MIER1: variants seen among roughly 807,000 people sequenced by gnomAD.
MIER1 encodes MIER1 transcriptional regulator, also known as mesoderm induction early response protein 1.
MIER1 carries 40 observed loss-of-function variants against 75.7 expected under a neutral mutation model. The observed-to-expected ratio is 0.53, with a 90% CI of 0.41 to 0.69. The LOEUF (loss-of-function observed/expected upper bound fraction) is 0.69, where lower values mean the gene tolerates loss of function less well. Ranked by LOEUF, MIER1 falls within the 30% of genes least tolerant of loss-of-function variation. The pLI is 0.00. For missense variants in MIER1, 574 were observed against 680.2 expected, an observed-to-expected ratio of 0.84 and a Z score of 1.74; for synonymous variants, 213 against 223.4, an observed-to-expected ratio of 0.95 and a Z score of 0.42.
At chr1:66,929,147 ATAAGT>A (rs556420961) in intron 2 of MIER1, 67 of 647,682 alleles carry the variant, frequency 1.0e-4, no homozygotes, top group Middle Eastern at 4.9e-4. Flanking sequence ...ATATTGCATT[ATAAGT>A]TAAGTATTAA....
intron 4 of MIER1, chr1:66,946,893 T>C: frequency 1.0e-6 from 1 of 985,274 alleles, no homozygotes; most frequent in East Asian, 1.1e-4. Context: ...TCTGGTTTTC[T>C]TTATCTTTTT....
In MIER1 at chr1:66,930,276, G is replaced by A. The variant is rs781439612; in HGVS notation, c.168+4034G>A. The A allele has an allele frequency of 2.6e-6, 4 of 1,528,694 alleles. No individual in the cohort carries two copies. In the African/African-American group the frequency reaches 5.7e-5, roughly 22 times the overall value. 94.7% of individuals were successfully genotyped at this position (1,528,694 alleles called of 1,614,324 possible). The stretch of plus-strand genomic sequence containing the variant: ...TGCGCGTTCCCGCCGAGGCAGTGGC[G>A]GCGGGAGCGGCAGAGACGGCAGCGG... On this transcript the variant is annotated intron_variant, in intron 2 of 13. Transcript: ENST00000401041.
chr1:66,981,736 T>G, intron 12 of MIER1, 43 bp from the exon 13 acceptor site: 1 of 1,497,598 alleles, frequency 6.7e-7, no homozygotes, highest in African/African-American at 1.4e-5. Context: ...AATTTTTAAT[T>G]TTCAGCTCTT....
chr1:66,956,744 A>T (rs1016921218), intron 4 of MIER1, among the ~76,000 whole-genome samples: 1 of 152,260 alleles, frequency 6.6e-6, no homozygotes, highest in Non-Finnish European at 1.5e-5. Flanking sequence ...TTTCAGAAAT[A>T]GATTCACAAA....
chr1:66,926,044 C>A (rs1049715291), intron 1 of MIER1, 98 bp from the exon 2 acceptor site: 29 of 857,302 alleles, frequency 3.4e-5, no homozygotes, highest in Admixed American at 2.8e-4. Flanking sequence ...TGTCCTGATT[C>A]CCGACCATCT....
intron 2 of MIER1, among the ~76,000 whole-genome samples, chr1:66,938,412 T>C (rs1655418821): frequency 6.6e-6 from 1 of 152,180 alleles, no homozygotes; most frequent in Non-Finnish European, 1.5e-5. Context: ...TGAGCTAGGA[T>C]TAGATGAAGA....
Position 66,970,971 on chromosome 1 carries a change from A to G in MIER1, c.924+12A>G, listed in dbSNP as rs781476117. On this transcript the variant is annotated intron_variant, in intron 9 of 13. Transcript: ENST00000401041. Reference sequence around the variant, plus strand: ...AAGACAATGAACAGGTCTGTGAAAGAAACAACTGTTAGAACTTTGCCATAC... The same window carrying G: ...AAGACAATGAACAGGTCTGTGAAAGGAACAACTGTTAGAACTTTGCCATAC... 1.9e-6 allele frequency: 3 copies of G among 1,567,360 alleles called. No individual in the cohort carries two copies. In the African/African-American group the frequency reaches 4.2e-5, roughly 22 times the overall value.
chr1:66,975,591 C>T (rs928615237), intron 11 of MIER1, among the ~76,000 whole-genome samples: 3 of 151,784 alleles, frequency 2.0e-5, no homozygotes, highest in Non-Finnish European at 4.4e-5. Context: ...AGCCCTAAAT[C>T]CTCAGTATTT....
intron 4 of MIER1, among the ~76,000 whole-genome samples, chr1:66,951,370 C>T (rs188044827): frequency 6.6e-6 from 1 of 152,092 alleles, no homozygotes; most frequent in East Asian, 1.9e-4. Flanking sequence ...TGCAAGCAGT[C>T]CTCCCACTTC....
At chr1:66,953,718 C>T (rs564884345) in intron 4 of MIER1, among the ~76,000 whole-genome samples, 12 of 151,934 alleles carry the variant, frequency 7.9e-5, no homozygotes, top group African/African-American at 2.7e-4. Context: ...GTTCTCCTGC[C>T]TCAGCCTCCT....
Position 66,976,598 on chromosome 1 carries a change from C to T in MIER1, c.1105C>T (p.Arg369Ter), listed in dbSNP as rs1176516153. 1.3e-6 allele frequency: 2 copies of T among 1,575,220 alleles called. No individual in the cohort carries two copies. The highest frequency in any genetic ancestry group is 2.4e-5 in the South Asian group (2 of 84,368). Residue 369 changes from arginine to a stop codon, truncating the protein, a stop_gained, in exon 12 of 14, where the codon CGA (arginine) becomes TGA (stop). Coordinates refer to ENST00000401041, the MANE Select transcript of MIER1 (RefSeq NM_001077700.3). LOFTEE classifies it high-confidence loss of function. Reference protein sequence around the residue: ...DFHLIQANKVRTRSVGECVAF... With the variant: ...DFHLIQANKV ...AGCAAGCATTTGTTTCTTACAGGTC[C>T]GAACAAGGTCAGTTGGTGAATGTGT...
chr1:66,958,706 C>G (rs1660654287), intron 5 of MIER1, 145 bp from the exon 6 acceptor site: 2 of 588,308 alleles, frequency 3.4e-6, no homozygotes, highest in Non-Finnish European at 5.6e-6. Flanking sequence ...TTTCCTGTTG[C>G]AGGAACCAAC....
intron 4 of MIER1, among the ~76,000 whole-genome samples, chr1:66,948,897 T>C (rs533402580): frequency 6.6e-6 from 1 of 152,222 alleles, no homozygotes; most frequent in South Asian, 2.1e-4. Flanking sequence ...AAAATGTTAC[T>C]ACTATTTACC....
Position 66,970,788 on chromosome 1 carries a change from A to G in MIER1, c.773-20A>G. ...ATCAGTTTTTAGAAATTTGTTTAAC[A>G]TTGTCTTTTACTAATTTAGTATATG... On this transcript the variant is annotated intron_variant, in intron 8 of 13. Coordinates refer to ENST00000401041, the MANE Select transcript of MIER1 (RefSeq NM_001077700.3). The G allele has an allele frequency of 1.3e-6, 2 of 1,518,740 alleles. No homozygotes were observed. Among genetic ancestry groups the G allele is most frequent in the Non-Finnish European group, 1.8e-6 (2 of 1,137,554 alleles). The allele number at this position is 1,518,740 out of a possible 1,614,324, so 94.1% of individuals were successfully genotyped here.
chr1:66,944,676 C>G (rs540220027), intron 3 of MIER1, among the ~76,000 whole-genome samples: 2 of 151,992 alleles, frequency 1.3e-5, no homozygotes, highest in Admixed American at 1.3e-4. Flanking sequence ...TATTTCTGAT[C>G]AAAATCCACT....
At chr1:66,966,072 C>T (rs1421337278) in intron 8 of MIER1, among the ~76,000 whole-genome samples, 1 of 151,662 alleles carries the variant, frequency 6.6e-6, no homozygotes, top group Non-Finnish European at 1.5e-5. Context: ...TTCTAGGGTA[C>T]ATGTGCACAA....
At chr1:66,928,887 T>G in intron 2 of MIER1, 1 of 1,595,350 alleles carries the variant, frequency 6.3e-7, no homozygotes, top group Non-Finnish European at 8.5e-7. Flanking sequence ...TTTCTTTCAG[T>G]AGAAAATGTG....
chr1:66,945,148 C>T (rs1381864344), intron 3 of MIER1, among the ~76,000 whole-genome samples: 2 of 151,912 alleles, frequency 1.3e-5, no homozygotes, highest in African/African-American at 4.8e-5. Context: ...TCCTTCGATA[C>T]CTGTAAACCT....
intron 9 of MIER1, among the ~76,000 whole-genome samples, 187 bp downstream of exon 9, chr1:66,971,146 C>T (rs570856622): frequency 7.3e-4 from 111 of 152,126 alleles, no homozygotes; most frequent in African/African-American, 2.4e-3. Flanking sequence ...AGCTCAAAAA[C>T]GAAACAAAAA....
Sources: allele counts gnomAD v4.1 joint callset (sites outside exome capture counted in the v4.1 genomes callset), GRCh38; gene constraint gnomAD v4.1.1; transcripts MANE v1.5; gene names NCBI Gene and HGNC (gene_info 2026-07-23, HGNC 2026-07-21).